The following GSAP variants were observed in gnomAD, a reference collection of about 807,000 sequenced individuals.
The protein encoded by GSAP is gamma-secretase-activating protein.
In GSAP, 118 loss-of-function variants were observed where a neutral mutation model predicts 131.7. The ratio of observed to expected loss-of-function variants is 0.90; its 90% confidence interval spans 0.77 to 1.04. GSAP has a LOEUF of 1.04. Among genes scored for constraint, GSAP ranks in the 50% least tolerant of loss-of-function variants. GSAP has a pLI of 0.00. For synonymous variants in GSAP, 381 were observed against 363.4 expected (o/e 1.05, Z -0.55); for missense variants, 1,019 against 1,013.2 (o/e 1.01, Z -0.08).
chr7:77,402,212 T>C (rs900638707), intron 3 of GSAP, among the ~76,000 whole-genome samples: 4 of 151,544 alleles, frequency 2.6e-5, no homozygotes, highest in African/African-American at 7.3e-5. Context: ...TGGCACCATC[T>C]TTCCTCATGG....
chr7:77,346,160 C>T (rs943378797), intron 19 of GSAP, among the ~76,000 whole-genome samples: 2 of 150,054 alleles, frequency 1.3e-5, no homozygotes, highest in Non-Finnish European at 2.9e-5. Context: ...ATCCCAGCTA[C>T]TCAGGAGGCT....
intron 3 of GSAP, among the ~76,000 whole-genome samples, chr7:77,400,861 GA>G (rs946493099): frequency 3.4e-5 from 5 of 147,998 alleles, no homozygotes; most frequent in African/African-American, 5.0e-5. Flanking sequence ...TGAAGCAAAC[GA>G]AAAAAAGTCT....
At chr7:77,381,190 G>T (rs1797741598) in intron 8 of GSAP, 115 bp downstream of exon 8, 1 of 502,710 alleles carries the variant, frequency 2.0e-6, no homozygotes, top group East Asian at 3.4e-5. Flanking sequence ...TACTTCAAAA[G>T]TCATCAAATA....
chr7:77,376,064 C>T (rs111330775), intron 10 of GSAP, among the ~76,000 whole-genome samples: 63 of 152,210 alleles, frequency 4.1e-4, no homozygotes, highest in African/African-American at 1.4e-3. Flanking sequence ...TTTGGTTAAA[C>T]TATACCCTCT....
At chr7:77,333,199 G>T (rs947369281) in intron 19 of GSAP, among the ~76,000 whole-genome samples, 15 of 152,154 alleles carry the variant, frequency 9.9e-5, no homozygotes, top group African/African-American at 3.1e-4. Flanking sequence ...TTCTAAATTG[G>T]AAGGTCTATT....
Position 77,323,901 on chromosome 7 carries a change from T to C in GSAP, c.1828-159A>G, listed in dbSNP as rs1562900931. Among the ~76,000 whole-genome samples the C allele has an allele frequency of 2.0e-5, 3 of 152,330 alleles. 1 individual carries two copies. Among genetic ancestry groups the C allele is most frequent in the Admixed American group, 2.0e-4 (3 of 15,300 alleles). ...TGCATAACTCTCAGTATTTCTCTGGTGAGCATAAATAAGGGGTCCCCAACA... is the reference window on the plus strand; with the variant it reads ...TGCATAACTCTCAGTATTTCTCTGGCGAGCATAAATAAGGGGTCCCCAACA... On this transcript the variant is annotated intron_variant, in intron 23 of 30. Transcript: ENST00000257626.
chr7:77,335,229 G>A (rs533191625), intron 19 of GSAP, among the ~76,000 whole-genome samples: 54 of 152,118 alleles, frequency 3.5e-4, no homozygotes, highest in Non-Finnish European at 6.3e-4. Context: ...GTGAAAACCC[G>A]GCTCTATTAA....
intron 19 of GSAP, among the ~76,000 whole-genome samples, chr7:77,348,514 C>T (rs1335310321): frequency 6.6e-6 from 1 of 152,164 alleles, no homozygotes; most frequent in African/African-American, 2.4e-5. Flanking sequence ...CCGGCCTGCC[C>T]TTCACAGATA....
At position 77,360,913 on chromosome 7, in the gene GSAP, G is replaced by A. The variant is rs1270990301; in HGVS notation, c.950-12C>T. The stretch of plus-strand genomic sequence containing the variant: ...GGTCTTGCTGTGTCCTGCAAAGAGA[G>A]AATATGAAGCCAGAGAATGTTAAAC... On this transcript the variant is annotated splice_polypyrimidine_tract_variant and intron_variant, in intron 13 of 30. Coordinates refer to ENST00000257626, the MANE Select transcript of GSAP (RefSeq NM_017439.4). 2 of 1,504,784 alleles carry A rather than the reference G, an allele frequency of 1.3e-6. No homozygotes were observed. Among genetic ancestry groups the A allele is most frequent in the African/African-American group, 2.8e-5 (2 of 72,510 alleles). The allele number at this position is 1,504,784 out of a possible 1,614,324, so 93.2% of individuals were successfully genotyped here.
In GSAP at chr7:77,374,050, T is replaced by C; in HGVS notation, c.871+20A>G. 7.4e-7 allele frequency: 1 copy of C among 1,349,382 alleles called. No homozygotes were observed. The highest frequency in any genetic ancestry group is 1.1e-6 in the Non-Finnish European group (1 of 946,642). 83.6% of individuals were successfully genotyped at this position (1,349,382 alleles called of 1,614,324 possible). On this transcript the variant is annotated intron_variant, in intron 12 of 30. Transcript: ENST00000257626. ...ACTCAAATACGGTTGAATAAATTGA[T>C]AAATACAACCCTAGTTTACCTGTAT...
chr7:77,335,352 C>T (rs1232507755), intron 19 of GSAP, among the ~76,000 whole-genome samples: 1 of 152,138 alleles, frequency 6.6e-6, no homozygotes, highest in Non-Finnish European at 1.5e-5. Flanking sequence ...AAGCCAAGAA[C>T]ATGCCACTGC....
chr7:77,368,599 C>T (rs1290694182), intron 12 of GSAP, among the ~76,000 whole-genome samples: 5 of 152,180 alleles, frequency 3.3e-5, no homozygotes, highest in South Asian at 4.1e-4. Flanking sequence ...ATGATTCTAA[C>T]GTGAACCCAG....
chr7:77,311,223 A>G lies in GSAP; in HGVS notation c.*135T>C. ...TTCTGTCTGAACGTGTACCAACCTG[A>G]AACTCACATGGCTAAACAATTATGG... On this transcript the variant is annotated 3_prime_UTR_variant, in exon 31 of 31. Coordinates refer to ENST00000257626, the MANE Select transcript of GSAP (RefSeq NM_017439.4). 1.6e-6 allele frequency: 1 copy of G among 639,782 alleles called. No individual in the cohort carries two copies. 39.6% of individuals were successfully genotyped at this position (639,782 alleles called of 1,614,324 possible).
At chr7:77,330,187 T>C in intron 20 of GSAP, 52 bp downstream of exon 20, 4 of 1,562,496 alleles carry the variant, frequency 2.6e-6, no homozygotes, top group South Asian at 1.2e-5. Context: ...ATCACCTGGA[T>C]CCAGTCCACT....
chr7:77,377,521 G>GGA, intron 8 of GSAP, 131 bp from the exon 9 acceptor site: 1 of 1,115,578 alleles, frequency 9.0e-7, no homozygotes, highest in Non-Finnish European at 1.2e-6. Flanking sequence ...TTCACTGTTA[G>GGA]AAGCTCCCCA....
intron 18 of GSAP, chr7:77,351,609 C>T (rs1792872880): frequency 4.1e-6 from 4 of 985,702 alleles, no homozygotes; most frequent in Non-Finnish European, 4.8e-6. Flanking sequence ...GTTATAACCA[C>T]AGGTTTCTTT....
Position 77,362,648 on chromosome 7 carries a change from A to C in GSAP, c.884T>G (p.Val295Gly), listed in dbSNP as rs779620802. 2 of 1,564,118 alleles carry C rather than the reference A, an allele frequency of 1.3e-6. No individual in the cohort carries two copies. The highest frequency in any genetic ancestry group is 1.4e-5 in the African/African-American group (1 of 73,690). ...AGAGGCACACTTCGGGCTGTAACAT[A>C]CACACAAACTTCCTAGAAGAAAAAG... ...VFTNHTGSLCVCYSPKCASWG... is the reference protein window; with the variant it reads ...VFTNHTGSLCGCYSPKCASWG... Residue 295 changes from valine to glycine, a missense_variant, in exon 13 of 31, where the codon GTA becomes GGA. Coordinates refer to ENST00000257626, the MANE Select transcript of GSAP (RefSeq NM_017439.4).
At chr7:77,318,526 A>C (rs987176650) in intron 26 of GSAP, among the ~76,000 whole-genome samples, 2 of 152,202 alleles carry the variant, frequency 1.3e-5, no homozygotes, top group Non-Finnish European at 2.9e-5. Flanking sequence ...AAAGTTTAAC[A>C]CTCATTAGAA....
At chr7:77,364,150 G>A (rs1227289482) in intron 12 of GSAP, among the ~76,000 whole-genome samples, 2 of 151,856 alleles carry the variant, frequency 1.3e-5, no homozygotes, top group Non-Finnish European at 2.9e-5. Flanking sequence ...TACTGTCAAG[G>A]GAGCATGTGC....
Sources: gnomAD v4.1 joint callset for allele counts (sites outside exome capture counted in the v4.1 genomes callset) on GRCh38, gnomAD v4.1.1 for gene constraint, MANE v1.5 for transcripts, NCBI Gene and HGNC (gene_info 2026-07-23, HGNC 2026-07-21) for gene names.